Variants in CBFA2T3 observed in about 807,000 individuals in gnomAD.
The protein encoded by CBFA2T3 is CBFA2/RUNX1 partner transcriptional co-repressor 3, also known as transcriptional corepressor CBFA2T3.
CBFA2T3 carries 31 observed loss-of-function variants against 58.6 expected under a neutral mutation model. The observed-to-expected ratio is 0.53, with a 90% CI of 0.40 to 0.71. The LOEUF (loss-of-function observed/expected upper bound fraction) is 0.71. Ranked by LOEUF, CBFA2T3 falls within the 30% of genes least tolerant of loss-of-function variation. The probability of loss-of-function intolerance (pLI) is 0.00; values close to 1 mark genes in which losing one functional copy is unlikely to be tolerated. For missense variants in CBFA2T3, 1,076 were observed against 963.1 expected (o/e 1.12, Z -1.55); for synonymous variants, 531 against 421.9 (o/e 1.26, Z -3.17).
rs141447768 is a variant in CBFA2T3, at chr16:88,901,489, G to T, written c.304+15C>A. The T allele has an allele frequency of 1.4e-5, 20 of 1,425,616 alleles. No individual in the cohort carries two copies. The highest frequency in any genetic ancestry group is 1.3e-5 in the Non-Finnish European group (14 of 1,076,980). 88.3% of individuals were successfully genotyped at this position (1,425,616 alleles called of 1,614,324 possible). A position where few individuals can be genotyped will look rare whatever the true frequency, so the allele number is the denominator to read the frequency against. On this transcript the variant is annotated intron_variant, in intron 2 of 11. Transcript: ENST00000268679. ...GAAACACCTGGCCCTCGGCTGCCAGGTGGGGGCTACTTACGTGTGTGTGGC... is the reference window on the plus strand; with the variant it reads ...GAAACACCTGGCCCTCGGCTGCCAGTTGGGGGCTACTTACGTGTGTGTGGC...
At chr16:88,968,304 C>T (rs768287688) in intron 1 of CBFA2T3, among the ~76,000 whole-genome samples, 30 of 152,218 alleles carry the variant, frequency 2.0e-4, no homozygotes, top group Admixed American at 4.6e-4. Flanking sequence ...GTTTCAGTTT[C>T]GCCAGGAAGC....
At chr16:88,971,972 G>C (rs910608735) in intron 1 of CBFA2T3, among the ~76,000 whole-genome samples, 2 of 152,362 alleles carry the variant, frequency 1.3e-5, no homozygotes, top group African/African-American at 2.4e-5. Context: ...AGTTGTCTTC[G>C]CCTAAAGAGT....
chr16:88,879,314 C>T lies in CBFA2T3; in HGVS notation c.1618G>A (p.Glu540Lys), dbSNP rs750089823. The T allele has an allele frequency of 2.7e-5, 43 of 1,609,532 alleles. No homozygotes were observed. The highest frequency in any genetic ancestry group is 2.2e-4 in the Admixed American group (13 of 59,940). ...TGGTTGATGACCGTCAGGGCGTCCT[C>T]GGAGGCCTGCCGCTTCGCCTCGGCC... ...ALAEAKRQAS[E>K]DALTVINQQE... The change falls in exon 11 of 12, where the codon GAG becomes AAG. Residue 540 changes from glutamate (E) to lysine (K), a missense_variant. Transcript: ENST00000268679.
intron 5 of CBFA2T3, among the ~76,000 whole-genome samples, chr16:88,887,959 G>A (rs1004712515): frequency 6.6e-6 from 1 of 152,172 alleles, no homozygotes; most frequent in Non-Finnish European, 1.5e-5. Flanking sequence ...CCCAGCTAAA[G>A]CCTCCCTGAC....
chr16:88,939,286 C>T (rs1302999806), intron 1 of CBFA2T3: 1 of 152,302 alleles, frequency 6.6e-6, no homozygotes, highest in African/African-American at 2.4e-5. Context: ...CCAGCCCTGG[C>T]TTCACAGGTG....
In CBFA2T3 at chr16:88,953,064, C is replaced by A. The variant is rs1972121504; in HGVS notation, c.151+23593G>T. ...ATGATCTAATGAGTGACCGTCCTCA[C>A]CCACGAGAAAAAACACAACCTGGTC... On this transcript the variant is annotated intron_variant, in intron 1 of 11. Transcript: ENST00000268679. The surrounding 1 kb of genome is among the most constrained non-coding windows in gnomAD (Gnocchi z 4.9). Among the ~76,000 whole-genome samples the A allele has an allele frequency of 6.6e-6, 1 of 152,202 alleles. No homozygotes were observed. Among genetic ancestry groups the A allele is most frequent in the African/African-American group, 2.4e-5 (1 of 41,462 alleles).
chr16:88,954,423 AGGCTCCT>A, intron 1 of CBFA2T3, among the ~76,000 whole-genome samples: 1 of 140,976 alleles, frequency 7.1e-6, no homozygotes, highest in African/African-American at 2.9e-5. Context: ...ACCCCACCCA[AGGCTCCT>A]GACCCCATCC....
intron 9 of CBFA2T3, 168 bp downstream of exon 9, chr16:88,881,123 T>A (rs1302939452): frequency 1.3e-6 from 1 of 755,276 alleles, no homozygotes; most frequent in South Asian, 1.5e-5. Context: ...AGCTCCAGGC[T>A]TCCTGGCAGA....
At chr16:88,961,363 G>T (rs899116288) in intron 1 of CBFA2T3, among the ~76,000 whole-genome samples, 1 of 152,082 alleles carries the variant, frequency 6.6e-6, no homozygotes, top group Non-Finnish European at 1.5e-5. Flanking sequence ...CCTCAGCACT[G>T]GGCATTCCCA....
intron 1 of CBFA2T3, among the ~76,000 whole-genome samples, chr16:88,903,944 G>A (rs928425802): frequency 2.0e-5 from 3 of 152,264 alleles, no homozygotes; most frequent in Admixed American, 2.0e-4. Flanking sequence ...GAGCCCCACT[G>A]GGGAGCTGGT....
intron 1 of CBFA2T3, among the ~76,000 whole-genome samples, chr16:88,912,672 T>C (rs1353041656): frequency 6.6e-6 from 1 of 152,202 alleles, no homozygotes; most frequent in Non-Finnish European, 1.5e-5. Context: ...GAACAGCACC[T>C]GGCACACGGC....
intron 1 of CBFA2T3, among the ~76,000 whole-genome samples, chr16:88,966,845 C>G (rs541968518): frequency 1.2e-4 from 18 of 152,306 alleles, no homozygotes; most frequent in African/African-American, 4.1e-4. Context: ...TGCTGCCCCT[C>G]AGAGACCAGG....
At chr16:88,932,954 G>C (rs987581444) in intron 1 of CBFA2T3, among the ~76,000 whole-genome samples, 22 of 151,356 alleles carry the variant, frequency 1.5e-4, no homozygotes, top group Non-Finnish European at 2.4e-4. Context: ...GGGCGACAGA[G>C]TGAGATTGTG....
At chr16:88,921,843 G>A (rs1204711552) in intron 1 of CBFA2T3, among the ~76,000 whole-genome samples, 1 of 152,216 alleles carries the variant, frequency 6.6e-6, no homozygotes, top group Non-Finnish European at 1.5e-5. Flanking sequence ...AGCCTTCGTG[G>A]TAATGACACA....
At position 88,881,505 on chromosome 16, in the gene CBFA2T3, G is replaced by A. The variant is rs777712181; in HGVS notation, c.1204-16C>T. 2.3e-5 allele frequency: 36 copies of A among 1,593,796 alleles called. No individual in the cohort carries two copies. Among genetic ancestry groups the A allele is most frequent in the Middle Eastern group, 1.7e-4 (1 of 5,752 alleles). On this transcript the variant is annotated splice_polypyrimidine_tract_variant and intron_variant, in intron 8 of 11. Transcript: ENST00000268679. Reference sequence around the variant, plus strand: ...AGTTCAGGAGCTGGGGGCGGGCGGCGCAGCCTTCAGCACCTCAGAGGGACC... The same window carrying A: ...AGTTCAGGAGCTGGGGGCGGGCGGCACAGCCTTCAGCACCTCAGAGGGACC...
At chr16:88,918,560 C>T (rs73254261) in intron 1 of CBFA2T3, among the ~76,000 whole-genome samples, 4,321 of 152,356 alleles carry the variant, frequency 0.028, 115 homozygotes, top group African/African-American at 0.066. Context: ...TGCGGCCCAC[C>T]AACCTCCTCA....
At chr16:88,884,971 T>C (rs1182253964) in intron 7 of CBFA2T3, 75 bp downstream of exon 7, 9 of 1,148,780 alleles carry the variant, frequency 7.8e-6, no homozygotes, top group Non-Finnish European at 1.1e-5. Flanking sequence ...TGTGCCCACA[T>C]GCTCAGGTGT....
intron 1 of CBFA2T3, among the ~76,000 whole-genome samples, chr16:88,962,211 C>G (rs1331589180): frequency 1.3e-5 from 2 of 152,240 alleles, no homozygotes; most frequent in African/African-American, 4.8e-5. Context: ...ACCCTCAGCA[C>G]TGGACATTCC....
At chr16:88,886,740 T>C (rs1303168171) in intron 5 of CBFA2T3, 1 of 152,520 alleles carries the variant, frequency 6.6e-6, no homozygotes, top group Non-Finnish European at 1.5e-5. Flanking sequence ...TTGGCCTTGA[T>C]GGAGCGTGGA....
Sources: allele counts gnomAD v4.1 joint callset (sites outside exome capture counted in the v4.1 genomes callset), GRCh38; gene constraint gnomAD v4.1.1; non-coding constraint Gnocchi (gnomAD v3.1); transcripts MANE v1.5; gene names NCBI Gene and HGNC (gene_info 2026-07-23, HGNC 2026-07-21).